The following REC114 variants were observed in gnomAD, a reference collection of about 807,000 sequenced individuals.
REC114 encodes REC114 meiotic recombination protein.
Under a neutral mutation model 31.3 loss-of-function variants are expected in REC114, and 27 were observed. That is an observed-to-expected ratio of 0.86 (90% CI 0.64 to 1.19). The LOEUF (loss-of-function observed/expected upper bound fraction) is 1.19. Among genes scored for constraint, REC114 ranks in the 50% most tolerant of loss-of-function variants. REC114 has a pLI of 0.00. For missense variants in REC114, 344 were observed against 326.9 expected (o/e 1.05, Z -0.40); for synonymous variants, 134 against 127.7 (o/e 1.05, Z -0.33).
intron 1 of REC114, among the ~76,000 whole-genome samples, chr15:73,457,339 C>T (rs756025207): frequency 7.2e-5 from 11 of 152,226 alleles, no homozygotes; most frequent in East Asian, 1.9e-4. Flanking sequence ...AGTTTCCTTA[C>T]GCATATATAT....
At chr15:73,546,027 G>T (rs1364837679) in intron 3 of REC114, among the ~76,000 whole-genome samples, 1 of 152,092 alleles carries the variant, frequency 6.6e-6, no homozygotes, top group East Asian at 1.9e-4. Flanking sequence ...CCTCAGGGAA[G>T]GTAGGCTTTC....
At chr15:73,474,047 T>G in intron 2 of REC114, 126 bp downstream of exon 2, 1 of 682,296 alleles carries the variant, frequency 1.5e-6, no homozygotes, top group African/African-American at 1.8e-5. Context: ...CATTAAGCAT[T>G]TATCGAATGT....
At chr15:73,461,091 A>T (rs1002952307) in intron 1 of REC114, among the ~76,000 whole-genome samples, 2 of 151,132 alleles carry the variant, frequency 1.3e-5, no homozygotes, top group Non-Finnish European at 2.9e-5. Flanking sequence ...AGTTCTCTAT[A>T]TATATGATTA....
rs114984931 is a variant in REC114, at chr15:73,489,696, G to A, written c.249+15775G>A. 4.5e-3 allele frequency among the ~76,000 whole-genome samples: 678 copies of A among 150,916 alleles called. 3 individuals are homozygous for A. Among genetic ancestry groups the A allele is most frequent in the African/African-American group, 0.015 (630 of 41,132 alleles). On this transcript the variant is annotated intron_variant, in intron 2 of 5. Transcript: ENST00000331090. ...TCAACATTTGAATTTAGGGGAACAC[G>A]TTCAGTCCATAGTGAGGGGAGAGTC...
intron 2 of REC114, among the ~76,000 whole-genome samples, chr15:73,528,841 A>G (rs527536641): frequency 4.6e-5 from 7 of 152,310 alleles, no homozygotes; most frequent in South Asian, 2.1e-4. Flanking sequence ...AAAATTGTCA[A>G]TCCCTAATCT....
intron 2 of REC114, among the ~76,000 whole-genome samples, chr15:73,520,050 G>A (rs550138465): frequency 2.0e-4 from 31 of 152,224 alleles, no homozygotes; most frequent in South Asian, 2.1e-4. Flanking sequence ...GAGATCTGTC[G>A]TATAACACTG....
chr15:73,504,527 C>T (rs1893649826), intron 2 of REC114, among the ~76,000 whole-genome samples: 1 of 152,110 alleles, frequency 6.6e-6, no homozygotes, highest in African/African-American at 2.4e-5. Context: ...GGAATCCTAG[C>T]CCCTCCTTCC....
intron 2 of REC114, among the ~76,000 whole-genome samples, chr15:73,525,743 CT>C (rs1418983064): frequency 1.3e-5 from 2 of 151,990 alleles, no homozygotes; most frequent in Non-Finnish European, 2.9e-5. Context: ...TTATTTCAGT[CT>C]TTATGGAAGG....
At chr15:73,473,076 C>T (rs921783270) in intron 1 of REC114, among the ~76,000 whole-genome samples, 3 of 152,060 alleles carry the variant, frequency 2.0e-5, no homozygotes, top group Non-Finnish European at 4.4e-5. Context: ...CAAAGGAAAG[C>T]ACCAGATGTT....
chr15:73,513,515 G>A (rs1286698785), intron 2 of REC114, among the ~76,000 whole-genome samples: 1 of 149,154 alleles, frequency 6.7e-6, no homozygotes, highest in Non-Finnish European at 1.5e-5. Flanking sequence ...GAGGAGGAGA[G>A]GCGCTCTGCG....
intron 2 of REC114, among the ~76,000 whole-genome samples, chr15:73,489,995 G>GA (rs1893422932): frequency 6.6e-6 from 1 of 152,146 alleles, no homozygotes; most frequent in Non-Finnish European, 1.5e-5. Context: ...CCCATGACTG[G>GA]AATAGGTACA....
intron 4 of REC114, among the ~76,000 whole-genome samples, chr15:73,554,156 G>A (rs7168736): frequency 0.022 from 3,305 of 152,290 alleles, 64 homozygotes; most frequent in East Asian, 0.054. Context: ...GGCATGATAA[G>A]ACAGTGTCTG....
intron 4 of REC114, among the ~76,000 whole-genome samples, chr15:73,555,132 A>G (rs972525811): frequency 6.6e-6 from 1 of 151,916 alleles, no homozygotes; most frequent in African/African-American, 2.4e-5. Flanking sequence ...CCTGCTACCT[A>G]CTGACTAGCA....
rs1458000228 is a variant in REC114 at position 73,443,333 on chromosome 15, C to T, written c.148C>T (p.Pro50Ser). ...PCLEAGTAPC[P>S]TWKVFDSNEE... ...CCTGGAAGCTGGGACAGCCCCCTGC[C>T]CCACATGGAAGGTGAGGCCCGAAGG... is the stretch of plus-strand genomic sequence containing the variant. The change falls in exon 1 of 6, where the codon CCC (proline) becomes TCC (serine). Residue 50 changes from proline (P) to serine (S), a missense_variant. Transcript: ENST00000331090. The T allele has an allele frequency of 2.5e-6, 4 of 1,577,882 alleles. No homozygotes were observed. The highest frequency in any genetic ancestry group is 2.3e-5 in the East Asian group (1 of 42,884).
chr15:73,551,039 C>G lies in REC114; in HGVS notation c.435C>G (p.Thr145=). 1.2e-6 allele frequency: 2 copies of G among 1,613,872 alleles called. No individual in the cohort carries two copies. Among genetic ancestry groups the G allele is most frequent in the Non-Finnish European group, 8.5e-7 (1 of 1,179,838 alleles). ...SCVQKLAQYI[T]VQVPDGNIQE... ...TTCAGAAGCTGGCACAATACATAAC[C>G]GTGCAGGTGCCTGATGGAAACATCC... The change falls in exon 4 of 6, where the codon ACC becomes ACG. Residue 145 remains threonine (T), a synonymous_variant. Transcript: ENST00000331090.
intron 2 of REC114, among the ~76,000 whole-genome samples, chr15:73,480,471 T>C (rs1893279578): frequency 6.6e-6 from 1 of 152,146 alleles, no homozygotes; most frequent in African/African-American, 2.4e-5. Flanking sequence ...TAAGAATACA[T>C]ATTTAAAATA....
chr15:73,523,346 G>T (rs1049341901), intron 2 of REC114, among the ~76,000 whole-genome samples: 8 of 152,080 alleles, frequency 5.3e-5, no homozygotes, highest in South Asian at 2.1e-4. Context: ...ATGAGGTACA[G>T]AAATTGGAAG....
At chr15:73,551,220 C>T in intron 4 of REC114, 70 bp downstream of exon 4, 1 of 1,397,178 alleles carries the variant, frequency 7.2e-7, no homozygotes, top group East Asian at 2.5e-5. Context: ...GCCAAAATGA[C>T]AGTGGAGTTT....
Position 73,559,583 on chromosome 15 carries a change from G to A in REC114, c.637-169G>A, listed in dbSNP as rs114384155. On this transcript the variant is annotated intron_variant, in intron 5 of 5. Transcript: ENST00000331090. ...AGAATACATATTAATATACAAAATT[G>A]TAAATGTAACAGTAAAACTATGTAA... 9.9e-3 allele frequency among the ~76,000 whole-genome samples: 1,503 copies of A among 152,262 alleles called. 26 individuals are homozygous for A. The highest frequency in any genetic ancestry group is 0.034 in the African/African-American group (1,428 of 41,550).
Sources: gnomAD v4.1 joint callset for allele counts (sites outside exome capture counted in the v4.1 genomes callset) on GRCh38, gnomAD v4.1.1 for gene constraint, MANE v1.5 for transcripts, NCBI Gene and HGNC (gene_info 2026-07-23, HGNC 2026-07-21) for gene names.